Variants in EYS observed in about 807,000 individuals in gnomAD.
The protein encoded by EYS is protein eyes shut homolog.
EYS carries 250 observed loss-of-function variants against 282.1 expected under a neutral mutation model. The observed-to-expected ratio is 0.89, with a 90% CI of 0.80 to 0.98. The LOEUF is 0.98. Among genes scored for constraint, EYS ranks in the 50% least tolerant of loss-of-function variants. The pLI, the probability that EYS is intolerant of heterozygous loss-of-function variation, is 0.00. For missense variants in EYS, 4,016 were observed against 3,709.0 expected, an observed-to-expected ratio of 1.08 and a Z score of -2.15; for synonymous variants, 1,355 against 1,282.9, an observed-to-expected ratio of 1.06 and a Z score of -1.20.
At chr6:63,991,427 T>C (rs896512078) in intron 34 of EYS, among the ~76,000 whole-genome samples, 3 of 151,370 alleles carry the variant, frequency 2.0e-5, no homozygotes, top group African/African-American at 7.3e-5. Flanking sequence ...TGACAAAAAA[T>C]TCGAAGTAAC....
intron 35 of EYS, among the ~76,000 whole-genome samples, chr6:63,887,218 A>T (rs1260670722): frequency 6.6e-6 from 1 of 151,678 alleles, no homozygotes; most frequent in Non-Finnish European, 1.5e-5. Context: ...TCACTTCTTT[A>T]TGTTGAGCAT....
intron 5 of EYS, among the ~76,000 whole-genome samples, chr6:65,405,764 T>C (rs970506782): frequency 1.2e-4 from 19 of 152,090 alleles, no homozygotes; most frequent in African/African-American, 3.9e-4. Flanking sequence ...GTATCATATA[T>C]CAGTAGTTGG....
chr6:64,912,193 G>C (rs533193769), intron 16 of EYS, among the ~76,000 whole-genome samples: 1 of 151,350 alleles, frequency 6.6e-6, no homozygotes, highest in African/African-American at 2.4e-5. Context: ...GTTCAGAAAA[G>C]AGAAACTGTT....
chr6:65,534,933 T>C (rs1413131280), intron 2 of EYS, among the ~76,000 whole-genome samples: 2 of 152,158 alleles, frequency 1.3e-5, no homozygotes, highest in Non-Finnish European at 2.9e-5. Flanking sequence ...TTTTCACATT[T>C]CAAATATTCT....
chr6:65,389,949 A>G (rs1339414889), intron 7 of EYS, among the ~76,000 whole-genome samples: 1 of 152,098 alleles, frequency 6.6e-6, no homozygotes, highest in East Asian at 1.9e-4. Flanking sequence ...GGTACTAGAC[A>G]CAGGAATGTC....
intron 29 of EYS, among the ~76,000 whole-genome samples, chr6:64,360,265 T>C (rs1771960112): frequency 6.6e-6 from 1 of 151,756 alleles, no homozygotes; most frequent in South Asian, 2.1e-4. Context: ...TGGTTGTATA[T>C]ATTTAGACCA....
intron 22 of EYS, among the ~76,000 whole-genome samples, chr6:64,765,268 G>C (rs527432618): frequency 6.6e-6 from 1 of 152,248 alleles, no homozygotes; most frequent in African/African-American, 2.4e-5. Flanking sequence ...CTTTGCTCCA[G>C]TTTCCAATAA....
chr6:65,582,330 A>C (rs771937255), intron 2 of EYS, among the ~76,000 whole-genome samples: 11 of 152,124 alleles, frequency 7.2e-5, no homozygotes, highest in African/African-American at 1.2e-4. Context: ...TTACTTCATG[A>C]ATTTCTGGAG....
intron 26 of EYS, among the ~76,000 whole-genome samples, chr6:64,515,336 A>T (rs1233980370): frequency 6.6e-6 from 1 of 151,670 alleles, no homozygotes; most frequent in South Asian, 2.1e-4. Context: ...AAAGTAAGTA[A>T]AAGGGAAGGT....
At chr6:64,438,248 G>A (rs981736322) in intron 27 of EYS, among the ~76,000 whole-genome samples, 6 of 151,818 alleles carry the variant, frequency 4.0e-5, no homozygotes, top group African/African-American at 1.2e-4. Flanking sequence ...CATTCTTAAC[G>A]TTTATTGAGA....
chr6:64,592,997 A>G, intron 25 of EYS, 120 bp downstream of exon 25: 1 of 672,408 alleles, frequency 1.5e-6, no homozygotes, highest in Non-Finnish European at 2.3e-6. Flanking sequence ...GCTTAATTTT[A>G]CACCCCTAAA....
At position 63,951,660 on chromosome 6, in the gene EYS, C is replaced by T. The variant is rs538012922; in HGVS notation, c.7055+32723G>A. Among the ~76,000 whole-genome samples, 134 of 152,300 alleles carry T rather than the reference C, an allele frequency of 8.8e-4. 1 individual carries two copies. Among genetic ancestry groups the T allele is most frequent in the African/African-American group, 3.1e-3 (130 of 41,568 alleles). On this transcript the variant is annotated intron_variant, in intron 35 of 42. Transcript: ENST00000503581. Reference sequence around the variant, plus strand: ...TAATCCTTTTATCTCCTCCCCTCCTCACACCTGGTCTGGCTTACAGTTTTG... The same window carrying T: ...TAATCCTTTTATCTCCTCCCCTCCTTACACCTGGTCTGGCTTACAGTTTTG...
At chr6:65,347,572 TG>T (rs1174101438) in intron 9 of EYS, among the ~76,000 whole-genome samples, 216 of 140,270 alleles carry the variant, frequency 1.5e-3, no homozygotes, top group African/African-American at 4.5e-3. Flanking sequence ...TTTTTTTTTT[TG>T]TTTTTCCCTT....
At chr6:64,191,547 C>G (rs1765110550) in intron 31 of EYS, among the ~76,000 whole-genome samples, 4 of 145,340 alleles carry the variant, frequency 2.8e-5, no homozygotes, top group African/African-American at 1.0e-4. Flanking sequence ...TCTCATTGTT[C>G]AATTCCCACC....
At chr6:64,191,483 C>G (rs544247022) in intron 31 of EYS, among the ~76,000 whole-genome samples, 1 of 145,952 alleles carries the variant, frequency 6.9e-6, no homozygotes, top group Admixed American at 6.9e-5. Context: ...CCCTTCCCCC[C>G]CCACCCCAAA....
intron 11 of EYS, among the ~76,000 whole-genome samples, chr6:65,306,832 CAAAAAAAAAAAAA>C (rs201743269): frequency 1.9e-5 from 1 of 51,734 alleles, no homozygotes; most frequent in Non-Finnish European, 3.3e-5. Flanking sequence ...GAGTCCGTCT[CAAAAAAAAAAAAA>C]AAAAAAAAAA....
intron 35 of EYS, among the ~76,000 whole-genome samples, chr6:63,914,446 C>T (rs752391272): frequency 1.4e-4 from 22 of 152,244 alleles, no homozygotes; most frequent in Admixed American, 3.9e-4. Context: ...CAGTGGCTCA[C>T]GCCTGTAATC....
chr6:65,075,779 T>A (rs545262619), intron 12 of EYS, among the ~76,000 whole-genome samples: 21 of 152,118 alleles, frequency 1.4e-4, no homozygotes, highest in African/African-American at 4.6e-4. Flanking sequence ...TGGAGAATTG[T>A]TAACATGTCA....
chr6:64,505,355 C>A (rs1777175075), intron 26 of EYS, among the ~76,000 whole-genome samples: 3 of 152,020 alleles, frequency 2.0e-5, no homozygotes, highest in Admixed American at 2.0e-4. Context: ...TCATAGGCCA[C>A]CTCAAATATG....
Sources: allele counts gnomAD v4.1 joint callset (sites outside exome capture counted in the v4.1 genomes callset), GRCh38; gene constraint gnomAD v4.1.1; transcripts MANE v1.5; gene names NCBI Gene and HGNC (gene_info 2026-07-23, HGNC 2026-07-21).